CNKSR2: variants seen among roughly 807,000 people sequenced by gnomAD.
The protein encoded by CNKSR2 is CNK homolog protein 2.
Under a neutral mutation model 84.4 loss-of-function variants are expected in CNKSR2, and 14 were observed. The ratio of observed to expected loss-of-function variants is 0.17; its 90% CI spans 0.11 to 0.26. The LOEUF (loss-of-function observed/expected upper bound fraction) is 0.26, where lower values mean the gene tolerates loss of function less well. Ranked by LOEUF, CNKSR2 falls within the 10% of genes least tolerant of loss-of-function variation. The probability of loss-of-function intolerance (pLI) is 1.00; values close to 1 mark genes in which losing one functional copy is unlikely to be tolerated. For synonymous variants in CNKSR2, 275 were observed against 277.9 expected (o/e 0.99, Z 0.10); for missense variants, 485 against 771.2 (o/e 0.63, Z 4.40).
chrX:21,552,956 A>G (rs768592881), intron 11 of CNKSR2, among the ~76,000 whole-genome samples: 46 of 112,214 alleles, frequency 4.1e-4, no homozygotes, highest in African/African-American at 1.4e-3. Context: ...GTATACAGCC[A>G]TTTAAAAATG....
chrX:21,383,909 T>C (rs1156945797), intron 1 of CNKSR2, among the ~76,000 whole-genome samples: 1 of 112,094 alleles, frequency 8.9e-6, no homozygotes, highest in Non-Finnish European at 1.9e-5. Flanking sequence ...AGTAAAAACC[T>C]TTAACAATGC....
chrX:21,401,365 A>G (rs770970519), intron 1 of CNKSR2, among the ~76,000 whole-genome samples: 3 of 112,125 alleles, frequency 2.7e-5, no homozygotes, highest in Admixed American at 9.5e-5. Flanking sequence ...CTTGATCATT[A>G]TCTAAATCTA....
intron 11 of CNKSR2, among the ~76,000 whole-genome samples, chrX:21,548,688 C>G (rs1438718660): frequency 5.4e-5 from 6 of 111,905 alleles, no homozygotes; most frequent in African/African-American, 2.0e-4. Context: ...TACTGGCAAA[C>G]CAAATCCAGC....
intron 5 of CNKSR2, among the ~76,000 whole-genome samples, chrX:21,474,150 A>C (rs948564827): frequency 7.2e-5 from 8 of 111,202 alleles, no homozygotes; most frequent in African/African-American, 2.6e-4. Context: ...ATTGTGAGTT[A>C]GTTTTAATGT....
intron 20 of CNKSR2, among the ~76,000 whole-genome samples, chrX:21,636,332 TA>T (rs1212853138): frequency 1.1e-3 from 120 of 104,701 alleles, no homozygotes; most frequent in East Asian, 2.6e-3. Context: ...ATTTGGGAGT[TA>T]AAAAAAAAAA....
chrX:21,526,494 T>G (rs2091836102), intron 9 of CNKSR2, among the ~76,000 whole-genome samples: 1 of 111,320 alleles, frequency 9.0e-6, no homozygotes, highest in Non-Finnish European at 1.9e-5. Context: ...CTCATCATTA[T>G]TGTTCTTTTA....
intron 11 of CNKSR2, among the ~76,000 whole-genome samples, chrX:21,554,907 A>G (rs1287963790): frequency 9.0e-6 from 1 of 111,306 alleles, no homozygotes; most frequent in Non-Finnish European, 1.9e-5. Context: ...AGGAATTGCC[A>G]CACTGTCTTC....
chrX:21,589,858 T>G (rs1426855001), intron 13 of CNKSR2, among the ~76,000 whole-genome samples: 1 of 111,449 alleles, frequency 9.0e-6, no homozygotes, highest in Non-Finnish European at 1.9e-5. Flanking sequence ...ATGAACTGGA[T>G]GCCTCAATGA....
At chrX:21,509,207 A>G (rs1311076765) in intron 8 of CNKSR2, among the ~76,000 whole-genome samples, 1 of 112,249 alleles carries the variant, frequency 8.9e-6, no homozygotes, top group Admixed American at 9.5e-5. Context: ...GCAGCTCAAC[A>G]TGGTCTAAGT....
chrX:21,554,007 A>C (rs1056315230), intron 11 of CNKSR2, among the ~76,000 whole-genome samples: 1 of 111,278 alleles, frequency 9.0e-6, no homozygotes. Flanking sequence ...ATCCTTTCTC[A>C]TTCCTCCCAC....
chrX:21,400,680 TTTTA>T (rs1957483420), intron 1 of CNKSR2, among the ~76,000 whole-genome samples: 1 of 111,415 alleles, frequency 9.0e-6, no homozygotes, highest in South Asian at 3.7e-4. Context: ...GAAAGATACA[TTTTA>T]TTTAAGATCA....
intron 20 of CNKSR2, among the ~76,000 whole-genome samples, chrX:21,620,547 C>G (rs1404961231): frequency 9.0e-6 from 1 of 110,537 alleles, no homozygotes; most frequent in Non-Finnish European, 1.9e-5. Context: ...TATTGAGCCT[C>G]TGCTTGAATA....
chrX:21,617,041 C>G (rs1363687572), intron 20 of CNKSR2, among the ~76,000 whole-genome samples: 1 of 111,685 alleles, frequency 9.0e-6, no homozygotes, highest in Non-Finnish European at 1.9e-5. Context: ...CAGAAGAGAG[C>G]TAATGCTCAC....
intron 13 of CNKSR2, 97 bp from the exon 14 acceptor site, chrX:21,590,466 CAGTGTTTAG>C: frequency 1.5e-6 from 1 of 660,615 alleles, no homozygotes; most frequent in Non-Finnish European, 2.2e-6. Context: ...CTTCCCCTAA[CAGTGTTTAG>C]AGTCATCATT....
At position 21,406,815 on chromosome X, in the gene CNKSR2, G is replaced by T. The variant is rs181996857; in HGVS notation, c.65-19682G>T. Reference sequence around the variant, plus strand: ...AATACAAGTTTGTAATTTTCTTGAGGTCTTCTGAATATTAATCCTGTTGCC... The same window carrying T: ...AATACAAGTTTGTAATTTTCTTGAGTTCTTCTGAATATTAATCCTGTTGCC... On this transcript the variant is annotated intron_variant, in intron 1 of 21. Coordinates refer to ENST00000379510, the MANE Select transcript of CNKSR2 (RefSeq NM_014927.5). 9.1e-3 allele frequency among the ~76,000 whole-genome samples: 1,021 copies of T among 111,749 alleles called. 6 individuals are homozygous for T. Among genetic ancestry groups the T allele is most frequent in the Non-Finnish European group, 0.014 (762 of 53,023 alleles).
In CNKSR2 at chrX:21,394,913, A is replaced by C. The variant is rs1341888731; in HGVS notation, c.64+19952A>C. On this transcript the variant is annotated intron_variant, in intron 1 of 21. Transcript: ENST00000379510. Reference sequence around the variant, plus strand: ...TAGGAAAAACAGGCAATTGTAAGAAACAAATGAACCAATTCGTTTCAGCTT... The same window carrying C: ...TAGGAAAAACAGGCAATTGTAAGAACCAAATGAACCAATTCGTTTCAGCTT... Among the ~76,000 whole-genome samples the C allele has an allele frequency of 8.9e-5, 10 of 111,741 alleles. No individual in the cohort carries two copies. In the Admixed American group the frequency reaches 9.5e-4, roughly 11 times the overall value.
intron 18 of CNKSR2, among the ~76,000 whole-genome samples, chrX:21,602,020 G>A (rs1273676796): frequency 1.8e-5 from 2 of 112,401 alleles, no homozygotes; most frequent in East Asian, 2.8e-4. Flanking sequence ...AAACCTATTC[G>A]TAGTTGTGTC....
chrX:21,594,662 A>G lies in CNKSR2; in HGVS notation c.1831-312A>G, dbSNP rs1039598768. Reference sequence around the variant, plus strand: ...TTTTATATGTTATAGAAGTGTATGTATGTTCTGACCAGAAAATTAGTTATA... The same window carrying G: ...TTTTATATGTTATAGAAGTGTATGTGTGTTCTGACCAGAAAATTAGTTATA... On this transcript the variant is annotated intron_variant, in intron 15 of 21. Coordinates refer to ENST00000379510, the MANE Select transcript of CNKSR2 (RefSeq NM_014927.5). 3.9e-5 allele frequency: 6 copies of G among 153,710 alleles called. No individual in the cohort carries two copies. In the South Asian group the frequency reaches 1.3e-3, roughly 33 times the overall value. 12.7% of individuals were successfully genotyped at this position (153,710 alleles called of 1,213,427 possible). A position where few individuals can be genotyped will look rare whatever the true frequency, so the allele number is the denominator to read the frequency against.
intron 21 of CNKSR2, among the ~76,000 whole-genome samples, chrX:21,650,293 G>A (rs920244294): frequency 1.8e-5 from 2 of 109,885 alleles, no homozygotes; most frequent in African/African-American, 6.7e-5. Flanking sequence ...GATGAAGCTG[G>A]AAACCATCAT....
Sources: gnomAD v4.1 joint callset for allele counts (sites outside exome capture counted in the v4.1 genomes callset) on GRCh38, gnomAD v4.1.1 for gene constraint, MANE v1.5 for transcripts, NCBI Gene and HGNC (gene_info 2026-07-23, HGNC 2026-07-21) for gene names.